The following RNF182 variants were observed in gnomAD, a reference collection of about 807,000 sequenced individuals.
RNF182 encodes the protein E3 ubiquitin-protein ligase RNF182.
RNF182 carries 15 observed loss-of-function variants against 14.4 expected under a neutral mutation model. The ratio of observed to expected loss-of-function variants is 1.04; its 90% CI spans 0.70 to 1.60. The LOEUF is 1.60. Ranked by LOEUF, RNF182 falls within the 40% of genes most tolerant of loss-of-function variation. RNF182 has a pLI of 0.00. For missense variants in RNF182, 268 were observed against 294.8 expected (o/e 0.91, Z 0.67); for synonymous variants, 128 against 122.9 (o/e 1.04, Z -0.27).
intron 1 of RNF182, among the ~76,000 whole-genome samples, chr6:13,946,290 C>T (rs1759441042): frequency 6.6e-6 from 1 of 151,868 alleles, no homozygotes; most frequent in Admixed American, 6.6e-5. Context: ...CCTCAGCCTC[C>T]TGAGCAGCTG....
At chr6:13,929,586 ATGGG>A (rs1186259663) in intron 1 of RNF182, among the ~76,000 whole-genome samples, 20 of 152,258 alleles carry the variant, frequency 1.3e-4, no homozygotes, top group African/African-American at 4.6e-4. Flanking sequence ...ATTCTTCCCT[ATGGG>A]CCAGACACTT....
chr6:13,946,140 C>CATTATTATTATT (rs200937239), intron 1 of RNF182, among the ~76,000 whole-genome samples: 16,177 of 137,192 alleles, frequency 0.12, 1,023 homozygotes, highest in East Asian at 0.14. Flanking sequence ...TAAAGCAAAA[C>CATTATTATTATT]ATTATTATTA....
Position 13,979,266 on chromosome 6 carries a change from CTG to C in RNF182, c.*1405_*1406del, listed in dbSNP as rs756601005. ...GCAGATTACAAGTTGGCAAAATAGA[CTG>C]TTCACAGAAACTAGGCAAAAATTTA... On this transcript the variant is annotated 3_prime_UTR_variant, in exon 3 of 3. Coordinates refer to ENST00000488300, the MANE Select transcript of RNF182 (RefSeq NM_152737.4). The C allele has an allele frequency of 8.4e-5, 14 of 166,168 alleles. No individual in the cohort carries two copies. In the East Asian group the frequency reaches 1.3e-3, roughly 16 times the overall value. 10.3% of individuals were successfully genotyped at this position (166,168 alleles called of 1,614,324 possible).
intron 1 of RNF182, among the ~76,000 whole-genome samples, chr6:13,972,621 G>C (rs936912642): frequency 6.6e-6 from 1 of 152,150 alleles, no homozygotes; most frequent in Non-Finnish European, 1.5e-5. Context: ...GGCTAAAAGG[G>C]GTCAATGTAC....
At chr6:13,965,330 A>G (rs1759995154) in intron 1 of RNF182, among the ~76,000 whole-genome samples, 1 of 152,208 alleles carries the variant, frequency 6.6e-6, no homozygotes. Context: ...AAGAAAATAG[A>G]TCCAGGAAAT....
chr6:13,925,079 A>G (rs976731433), intron 1 of RNF182, 56 bp downstream of exon 1: 2 of 4,244 alleles, frequency 4.7e-4, no homozygotes, highest in African/African-American at 2.4e-3. Context: ...GGGCCTCCCC[A>G]ACGCTGGGGC....
chr6:13,956,488 C>G (rs1007505576), intron 1 of RNF182, among the ~76,000 whole-genome samples: 2 of 152,016 alleles, frequency 1.3e-5, no homozygotes, highest in Admixed American at 6.6e-5. Flanking sequence ...CCACACCCAG[C>G]TAATTTTTGT....
rs1245396002 is a variant in RNF182, at chr6:13,977,582, C to T, written c.463C>T (p.Pro155Ser). Reference protein sequence around the residue: ...SSTPVVEFYRPASFDSVTTVS... With the variant: ...SSTPVVEFYRSASFDSVTTVS... ...CACTCCTGTGGTAGAATTTTATAGG[C>T]CTGCGAGTTTCGACTCTGTCACCAC... The change falls in exon 3 of 3, where the codon CCT becomes TCT. Residue 155 changes from proline to serine, a missense_variant. Physicochemically the swap from Pro to Ser is moderately conservative, Grantham distance 74. Transcript: ENST00000488300. The T allele has an allele frequency of 6.2e-7, 1 of 1,614,182 alleles. No homozygotes were observed. Among genetic ancestry groups the T allele is most frequent in the South Asian group, 1.1e-5 (1 of 91,080 alleles).
At chr6:13,925,362 A>G (rs1758798326) in intron 1 of RNF182, 1 of 152,046 alleles carries the variant, frequency 6.6e-6, no homozygotes. Flanking sequence ...TTGGGGGAAA[A>G]AAAGGTATGA....
chr6:13,972,725 G>T (rs1250086311), intron 1 of RNF182, among the ~76,000 whole-genome samples: 2 of 152,190 alleles, frequency 1.3e-5, no homozygotes, highest in African/African-American at 4.8e-5. Flanking sequence ...CGAGAATTGA[G>T]GTTTGGGAAC....
intron 1 of RNF182, among the ~76,000 whole-genome samples, chr6:13,954,898 G>A (rs1759688739): frequency 6.6e-6 from 1 of 152,144 alleles, no homozygotes; most frequent in African/African-American, 2.4e-5. Context: ...TGAAGGTGGA[G>A]GGGCTCTACG....
intron 1 of RNF182, among the ~76,000 whole-genome samples, chr6:13,961,750 CAAATT>C: frequency 6.6e-6 from 1 of 152,244 alleles, no homozygotes; most frequent in Non-Finnish European, 1.5e-5. Context: ...GACTCTCCAT[CAAATT>C]AAATTGCATG....
chr6:13,950,464 C>T (rs577794819), intron 1 of RNF182, among the ~76,000 whole-genome samples: 84 of 147,240 alleles, frequency 5.7e-4, no homozygotes, highest in Admixed American at 1.2e-3. Flanking sequence ...AACTAAATGA[C>T]ATTAAAGTTT....
intron 1 of RNF182, among the ~76,000 whole-genome samples, chr6:13,972,866 A>G (rs571891108): frequency 1.3e-5 from 2 of 152,202 alleles, no homozygotes; most frequent in Non-Finnish European, 2.9e-5. Flanking sequence ...TGGAGCCCCC[A>G]CACTGAGTCC....
At chr6:13,975,252 G>T (rs1301302557) in intron 2 of RNF182, among the ~76,000 whole-genome samples, 1 of 152,198 alleles carries the variant, frequency 6.6e-6, no homozygotes, top group Non-Finnish European at 1.5e-5. Flanking sequence ...TGCCAGCCTT[G>T]TGGAACTGTG....
chr6:13,945,721 T>TTA (rs572625130), intron 1 of RNF182, among the ~76,000 whole-genome samples: 6 of 152,248 alleles, frequency 3.9e-5, no homozygotes, highest in Non-Finnish European at 8.8e-5. Context: ...TATTCCCTTG[T>TTA]TATATTCCAT....
chr6:13,977,633 A>T lies in RNF182; in HGVS notation c.514A>T (p.Asn172Tyr). The T allele has an allele frequency of 6.2e-7, 1 of 1,614,128 alleles. No individual in the cohort carries two copies. The change falls in exon 3 of 3, where the codon AAC becomes TAC. Residue 172 changes from asparagine to tyrosine, a missense_variant. Physicochemically the swap from Asn to Tyr is moderately radical, Grantham distance 143. Transcript: ENST00000488300. ...TGTGTCACACAACTGGACTGTGTGG[A>T]ACTGCACGTCCCTGCTGTTTCAGAC... Reference protein sequence around the residue: ...TTVSHNWTVWNCTSLLFQTSI... With the variant: ...TTVSHNWTVWYCTSLLFQTSI...
chr6:13,951,359 A>G (rs889957722), intron 1 of RNF182, among the ~76,000 whole-genome samples: 1 of 152,162 alleles, frequency 6.6e-6, no homozygotes, highest in African/African-American at 2.4e-5. Context: ...TAAGAGCCCC[A>G]TTTTTATACT....
intron 1 of RNF182, among the ~76,000 whole-genome samples, chr6:13,967,031 C>T (rs976545558): frequency 1.3e-5 from 2 of 151,970 alleles, no homozygotes; most frequent in Non-Finnish European, 2.9e-5. Flanking sequence ...AGAGACAGAG[C>T]TTTGCCTTGT....
Sources: gnomAD v4.1 joint callset for allele counts (sites outside exome capture counted in the v4.1 genomes callset) on GRCh38, gnomAD v4.1.1 for gene constraint, MANE v1.5 for transcripts, NCBI Gene and HGNC (gene_info 2026-07-23, HGNC 2026-07-21) for gene names.